Variants in HECTD4 observed in about 807,000 individuals in gnomAD.
HECTD4 encodes the protein HECT domain E3 ubiquitin protein ligase 4.
Under a neutral mutation model 471.5 loss-of-function variants are expected in HECTD4, and 114 were observed. The ratio of observed to expected loss-of-function variants is 0.24; its 90% CI spans 0.21 to 0.28. HECTD4 has a LOEUF of 0.28. HECTD4 is among the 10% of genes least tolerant of loss of function. HECTD4 has a pLI of 1.00. For synonymous variants in HECTD4, 2,012 were observed against 2,256.0 expected, an observed-to-expected ratio of 0.89 and a Z score of 3.07; for missense variants, 3,866 against 5,651.5, an observed-to-expected ratio of 0.68 and a Z score of 10.13.
rs1246212707 is a variant in HECTD4, at chr12:112,164,271, T to C, written c.12539A>G (p.Asn4180Ser). ...YNYVKKFESI[N>S]DETELEALCA... ...CAGGGCCTCCAGCTCGGTCTCATCATTGATCTGGAGGGTGGAGGCAGAGCG... is the reference window on the plus strand; with the variant it reads ...CAGGGCCTCCAGCTCGGTCTCATCACTGATCTGGAGGGTGGAGGCAGAGCG... Residue 4180 changes from asparagine (N) to serine (S), a missense_variant, in exon 73 of 76, where the codon AAT becomes AGT. Asn to Ser is a conservative substitution (Grantham distance 46, BLOSUM62 1). Around this residue, in one of 16 missense-constraint regions of HECTD4, gnomAD observed 715 missense variants for 1,087.6 expected, o/e 0.66. Transcript: ENST00000682272. The C allele has an allele frequency of 6.2e-7, 1 of 1,612,272 alleles. No individual in the cohort carries two copies.
chr12:112,256,465 G>A lies in HECTD4; in HGVS notation c.3182C>T (p.Ala1061Val), dbSNP rs374744775. ...CACAGTCTTTCCAGCAGCCCATGGG[G>A]CAGGAATCTTTAAACCAGTGAGAAA... ...PGFLTGLKIP[A>V]PWAAGKTVET... is the part of the protein sequence containing the mutation. The change falls in exon 21 of 76, where the codon GCC becomes GTC. Residue 1061 changes from alanine (A) to valine (V), a missense_variant. By Grantham distance (64) the Ala-to-Val change is moderately conservative. This residue lies in a region of HECTD4 where 525 missense variants were observed against 672.6 expected (regional missense o/e 0.78). Coordinates refer to ENST00000682272, the MANE Select transcript of HECTD4 (RefSeq NM_001388303.1). 5 of 1,608,590 alleles carry A rather than the reference G, an allele frequency of 3.1e-6. No individual in the cohort carries two copies. The highest frequency in any genetic ancestry group is 1.3e-5 in the African/African-American group (1 of 74,640).
At position 112,251,058 on chromosome 12, in the gene HECTD4, G is replaced by C; in HGVS notation, c.3629C>G (p.Ser1210Cys). The C allele has an allele frequency of 6.2e-7, 1 of 1,613,982 alleles. No individual in the cohort carries two copies. Among genetic ancestry groups the C allele is most frequent in the Non-Finnish European group, 8.5e-7 (1 of 1,179,878 alleles). ...TCCATTGTACAGGATTCTTAACATG[G>C]AACAAGCTAACACAGACAGACCTAA... is the stretch of plus-strand genomic sequence containing the variant. ...LALGLSVLAC[S>C]MLRILYNGPE... The change falls in exon 24 of 76, where the codon TCC (serine) becomes TGC (cysteine). Residue 1210 changes from serine to cysteine, a missense_variant. This residue lies in a region of HECTD4 where 281 missense variants were observed against 499.9 expected (regional missense o/e 0.56). Transcript: ENST00000682272.
chr12:112,173,724 T>A lies in HECTD4; in HGVS notation c.11595-863A>T, dbSNP rs535627381. 5.3e-5 allele frequency among the ~76,000 whole-genome samples: 8 copies of A among 151,196 alleles called. No individual in the cohort carries two copies. The highest frequency in any genetic ancestry group is 3.4e-3 in the Middle Eastern group (1 of 290). On this transcript the variant is annotated intron_variant, in intron 66 of 75. Coordinates refer to ENST00000682272, the MANE Select transcript of HECTD4 (RefSeq NM_001388303.1). The surrounding 1 kb of genome is among the most constrained non-coding windows in gnomAD (Gnocchi z 4.3). ...TTAATTTTTTTTTGTAGAGATGGGG[T>A]CTCGTTGTGTTGCCCAGGCTGTTCT...
chr12:112,374,510 G>C (rs2036742815), intron 1 of HECTD4, among the ~76,000 whole-genome samples: 2 of 152,148 alleles, frequency 1.3e-5, no homozygotes, highest in Non-Finnish European at 2.9e-5. Flanking sequence ...AAGCCTGAAA[G>C]CCTGTTGGGC....
intron 7 of HECTD4, among the ~76,000 whole-genome samples, chr12:112,305,687 G>A (rs908191965): frequency 6.6e-6 from 1 of 151,812 alleles, no homozygotes; most frequent in Admixed American, 6.6e-5. Context: ...TATCTAAAAG[G>A]TAAGTGACAT....
intron 13 of HECTD4, among the ~76,000 whole-genome samples, chr12:112,268,728 C>T (rs2034338188): frequency 6.7e-6 from 1 of 150,352 alleles, no homozygotes; most frequent in Non-Finnish European, 1.5e-5. Context: ...TGCACTCGAG[C>T]CTGGGCAACA....
chr12:112,162,628 C>T lies in HECTD4; in HGVS notation c.13121-105G>A. The T allele has an allele frequency of 7.3e-7, 1 of 1,377,160 alleles. No homozygotes were observed. Among genetic ancestry groups the T allele is most frequent in the Admixed American group, 2.1e-5 (1 of 48,166 alleles). 85.3% of individuals were successfully genotyped at this position (1,377,160 alleles called of 1,614,324 possible). A position where few individuals can be genotyped will look rare whatever the true frequency, so the allele number is the denominator to read the frequency against. ...CCAGGTTTGCCTCCTTGGGTAGCCCCAAGCCAATCCTGGGGCCCAGCAGGA... is the reference window on the plus strand; with the variant it reads ...CCAGGTTTGCCTCCTTGGGTAGCCCTAAGCCAATCCTGGGGCCCAGCAGGA... On this transcript the variant is annotated intron_variant, in intron 75 of 75. Transcript: ENST00000682272. The surrounding 1 kb of genome is among the most constrained non-coding windows in gnomAD (Gnocchi z 5.2).
At position 112,175,863 on chromosome 12, in the gene HECTD4, G is replaced by C. The variant is rs775925686; in HGVS notation, c.11471-4C>G. 1.2e-6 allele frequency: 2 copies of C among 1,613,038 alleles called. No homozygotes were observed. Among genetic ancestry groups the C allele is most frequent in the Non-Finnish European group, 8.5e-7 (1 of 1,179,644 alleles). ...GTCAGGTATTTTTCCTCAGGGACTG[G>C]TGGAAAGGGTTCAGTGTGAGGAATC... On this transcript the variant is annotated splice_polypyrimidine_tract_variant and splice_region_variant and intron_variant, in intron 65 of 75. Transcript: ENST00000682272.
chr12:112,209,905 T>C, intron 50 of HECTD4, 110 bp downstream of exon 50: 1 of 909,426 alleles, frequency 1.1e-6, no homozygotes, highest in Non-Finnish European at 1.7e-6. Flanking sequence ...CACGTGAGTT[T>C]GCAACTCCTG....
In HECTD4 at chr12:112,243,859, C is replaced by A; in HGVS notation, c.4649+15G>T. On this transcript the variant is annotated intron_variant, in intron 30 of 75. Coordinates refer to ENST00000682272, the MANE Select transcript of HECTD4 (RefSeq NM_001388303.1). The surrounding 1 kb of genome is among the most constrained non-coding windows in gnomAD (Gnocchi z 6.6). ...GCTGCATGTGGGAACCCAACCCCGG[C>A]CATTAGCCATTTACCTCTGATTTGC... The A allele has an allele frequency of 6.2e-7, 1 of 1,613,054 alleles. No homozygotes were observed. Among genetic ancestry groups the A allele is most frequent in the African/African-American group, 1.3e-5 (1 of 75,038 alleles).
At chr12:112,237,607 C>T (rs914872874) in intron 34 of HECTD4, among the ~76,000 whole-genome samples, 7 of 152,180 alleles carry the variant, frequency 4.6e-5, no homozygotes, top group African/African-American at 1.7e-4. Flanking sequence ...AAGAGTAACT[C>T]CCGTGTCACC....
rs371113086 is a variant in HECTD4 at position 112,212,587 on chromosome 12, G to A, written c.7529C>T (p.Ala2510Val). 2 of 1,613,832 alleles carry A rather than the reference G, an allele frequency of 1.2e-6. No homozygotes were observed. The highest frequency in any genetic ancestry group is 4.5e-5 in the East Asian group (2 of 44,876). The change falls in exon 49 of 76, where the codon GCC (alanine) becomes GTC (valine). Residue 2510 changes from alanine to valine, a missense_variant. Physicochemically the swap from Ala to Val is moderately conservative, Grantham distance 64. Coordinates refer to ENST00000682272, the MANE Select transcript of HECTD4 (RefSeq NM_001388303.1). ...EGTPPPPGQPAKGRVYFTYCG... is the reference protein window; with the variant it reads ...EGTPPPPGQPVKGRVYFTYCG... Reference sequence around the variant, plus strand: ...GTATGTGAAGTACACCCGGCCCTTGGCTGGCTGTCCCGGAGGAGGTGGAGT... The same window carrying A: ...GTATGTGAAGTACACCCGGCCCTTGACTGGCTGTCCCGGAGGAGGTGGAGT...
chr12:112,362,564 G>A (rs1044945231), intron 1 of HECTD4, among the ~76,000 whole-genome samples: 1 of 152,154 alleles, frequency 6.6e-6, no homozygotes, highest in Admixed American at 6.5e-5. Flanking sequence ...TCACTCATAC[G>A]TGCACTCACT....
At chr12:112,274,523 T>C (rs1012065121) in intron 10 of HECTD4, among the ~76,000 whole-genome samples, 13 of 152,092 alleles carry the variant, frequency 8.5e-5, no homozygotes, top group South Asian at 2.1e-4. Flanking sequence ...CTGGGTGACA[T>C]AGTGAGACCT....
intron 1 of HECTD4, among the ~76,000 whole-genome samples, chr12:112,375,615 A>G (rs2036761799): frequency 6.6e-6 from 1 of 152,206 alleles, no homozygotes. Context: ...GAATTCTCAC[A>G]AGTAAGCTAT....
chr12:112,355,910 T>C (rs2036328479), intron 1 of HECTD4, among the ~76,000 whole-genome samples: 1 of 152,234 alleles, frequency 6.6e-6, no homozygotes, highest in Non-Finnish European at 1.5e-5. Flanking sequence ...CCTTTCTTAA[T>C]ACTCAAATAA....
At chr12:112,242,612 TAAA>T (rs34693763) in intron 32 of HECTD4, among the ~76,000 whole-genome samples, 1 of 131,196 alleles carries the variant, frequency 7.6e-6, no homozygotes, top group Non-Finnish European at 1.7e-5. Context: ...AGAATCTGCT[TAAA>T]AAAAAAAAAA....
At chr12:112,240,432 G>C (rs139852308) in intron 32 of HECTD4, among the ~76,000 whole-genome samples, 1 of 151,712 alleles carries the variant, frequency 6.6e-6, no homozygotes, top group African/African-American at 2.4e-5. Flanking sequence ...TACTGTAAGT[G>C]CTTTTTCTTT....
intron 9 of HECTD4, among the ~76,000 whole-genome samples, chr12:112,276,559 T>C (rs960651446): frequency 6.6e-6 from 1 of 152,214 alleles, no homozygotes; most frequent in Middle Eastern, 3.2e-3. Flanking sequence ...GCAATTCTCC[T>C]GCCTCAGCCT....
Sources: allele counts gnomAD v4.1 joint callset (sites outside exome capture counted in the v4.1 genomes callset), GRCh38; gene constraint gnomAD v4.1.1; regional missense constraint gnomAD v4.1.1; non-coding constraint Gnocchi (gnomAD v3.1); transcripts MANE v1.5; gene names NCBI Gene and HGNC (gene_info 2026-07-23, HGNC 2026-07-21).